EIF2AK3: variants seen among roughly 807,000 people sequenced by gnomAD.
EIF2AK3 encodes eukaryotic translation initiation factor 2 alpha kinase 3, also known as eukaryotic translation initiation factor 2-alpha kinase 3.
A neutral mutation model predicts 113.5 loss-of-function variants in EIF2AK3; 50 were observed. The observed-to-expected ratio is 0.44, with a 90% CI of 0.35 to 0.56. The LOEUF is 0.56. Among genes scored for constraint, EIF2AK3 ranks in the 20% least tolerant of loss-of-function variants. The pLI, the probability that EIF2AK3 is intolerant of heterozygous loss-of-function variation, is 0.00. For missense variants in EIF2AK3, 1,185 were observed against 1,378.0 expected, an observed-to-expected ratio of 0.86 and a Z score of 2.22; for synonymous variants, 448 against 495.4, an observed-to-expected ratio of 0.90 and a Z score of 1.27.
chr2:88,584,976 A>G (rs1674683624), intron 9 of EIF2AK3, among the ~76,000 whole-genome samples: 1 of 152,134 alleles, frequency 6.6e-6, no homozygotes, highest in Non-Finnish European at 1.5e-5. Flanking sequence ...GTTGGACTTG[A>G]GCCTAACAAT....
chr2:88,573,237 A>C (rs1174117540), intron 13 of EIF2AK3, among the ~76,000 whole-genome samples: 1 of 152,108 alleles, frequency 6.6e-6, no homozygotes, highest in African/African-American at 2.4e-5. Context: ...TTCTTCTTGC[A>C]ATTTTTCTGG....
intron 1 of EIF2AK3, among the ~76,000 whole-genome samples, chr2:88,625,177 A>G (rs1675827548): frequency 6.6e-6 from 1 of 152,088 alleles, no homozygotes; most frequent in African/African-American, 2.4e-5. Context: ...CAATGATGCT[A>G]TTAGCATCAG....
intron 3 of EIF2AK3, chr2:88,593,989 A>C: frequency 1.6e-5 from 16 of 977,104 alleles, no homozygotes; most frequent in Non-Finnish European, 1.9e-5. Flanking sequence ...TGTTGTTTAC[A>C]GATGAGACTA....
chr2:88,574,892 C>T lies in EIF2AK3; in HGVS notation c.2591G>A (p.Ser864Asn). 6.2e-7 allele frequency: 1 copy of T among 1,614,144 alleles called. No individual in the cohort carries two copies. The highest frequency in any genetic ancestry group is 8.5e-7 in the Non-Finnish European group (1 of 1,180,020). The change falls in exon 13 of 17, where the codon AGT becomes AAT. Residue 864 changes from serine to asparagine, a missense_variant. Physicochemically the swap from Ser to Asn is conservative, Grantham distance 46. Transcript: ENST00000303236. ...TGTGGTGTTTTTAGTGAGATCTAAA[C>T]TTAAAGTGGTTGGTCTTGGAGGAGA... ...SISPPRPTTL[S>N]LDLTKNTTEK...
At chr2:88,606,351 T>G (rs151089921) in intron 2 of EIF2AK3, among the ~76,000 whole-genome samples, 1 of 152,250 alleles carries the variant, frequency 6.6e-6, no homozygotes, top group Non-Finnish European at 1.5e-5. Context: ...AGTTTCTCCT[T>G]TGGTGACATG....
At chr2:88,587,943 T>TAAAAAAAAAA in intron 8 of EIF2AK3, 39 bp downstream of exon 8, 1 of 1,373,090 alleles carries the variant, frequency 7.3e-7, no homozygotes, top group Non-Finnish European at 1.0e-6. Context: ...AATTTCAAAT[T>TAAAAAAAAAA]AAAAAATAAA....
At chr2:88,560,746 T>G (rs4332926) in intron 15 of EIF2AK3, among the ~76,000 whole-genome samples, 94,426 of 144,616 alleles carry the variant, frequency 0.65, 30,144 homozygotes, top group Middle Eastern at 0.69. Context: ...ATTTTGACTG[T>G]TTTTTTTTTT....
rs1385185104 is a variant in EIF2AK3 at position 88,627,159 on chromosome 2, G to A, written c.116C>T (p.Pro39Leu). The change falls in exon 1 of 17, where the codon CCG becomes CTG. Residue 39 changes from proline (P) to leucine (L), a missense_variant. Transcript: ENST00000303236. ...GAGGCCGAACGCCGCCTCCGCCGTC[G>A]GCGCTGGGAGGCCACGGGCGCGCCC... ...AAGRARGLPA[P>L]TAEAAFGLGA... is the part of the protein sequence containing the mutation. The A allele has an allele frequency of 1.4e-6, 2 of 1,419,078 alleles. No homozygotes were observed. Among genetic ancestry groups the A allele is most frequent in the African/African-American group, 3.0e-5 (2 of 66,300 alleles). The allele number at this position is 1,419,078 out of a possible 1,614,324, so 87.9% of individuals were successfully genotyped here.
intron 2 of EIF2AK3, among the ~76,000 whole-genome samples, chr2:88,598,965 A>ATT (rs1356153933): frequency 3.3e-4 from 50 of 152,274 alleles, no homozygotes; most frequent in African/African-American, 1.2e-3. Flanking sequence ...GACACGGGCA[A>ATT]GCATATAAAG....
intron 12 of EIF2AK3, among the ~76,000 whole-genome samples, chr2:88,576,031 T>C (rs917145708): frequency 1.3e-5 from 2 of 152,232 alleles, no homozygotes; most frequent in Non-Finnish European, 2.9e-5. Flanking sequence ...GGACAATATA[T>C]TCAGGCTAAG....
chr2:88,627,132 C>T lies in EIF2AK3; in HGVS notation c.143G>A (p.Gly48Glu). ...APTAEAAFGL[G>E]AAAAPTSATR... is the part of the protein sequence containing the mutation. ...CGCTGAGGTGGGAGCAGCGGCCGCC[C>T]CGAGGCCGAACGCCGCCTCCGCCGT... is the stretch of plus-strand genomic sequence containing the variant. The change falls in exon 1 of 17, where the codon GGG becomes GAG. Residue 48 changes from glycine (G) to glutamate (E), a missense_variant. By Grantham distance (98) the Gly-to-Glu change is moderately conservative (BLOSUM62 -2). Transcript: ENST00000303236. The T allele has an allele frequency of 3.4e-6, 5 of 1,463,888 alleles. No individual in the cohort carries two copies. Among genetic ancestry groups the T allele is most frequent in the Non-Finnish European group, 4.5e-6 (5 of 1,115,546 alleles). 90.7% of individuals were successfully genotyped at this position (1,463,888 alleles called of 1,614,324 possible). A position where few individuals can be genotyped will look rare whatever the true frequency, so the allele number is the denominator to read the frequency against.
intron 15 of EIF2AK3, among the ~76,000 whole-genome samples, chr2:88,559,212 G>A (rs1315765522): frequency 6.6e-6 from 1 of 151,820 alleles, no homozygotes; most frequent in Non-Finnish European, 1.5e-5. Context: ...CCACATCCAA[G>A]GATTCAACCA....
intron 9 of EIF2AK3, among the ~76,000 whole-genome samples, chr2:88,585,262 G>A (rs890996258): frequency 2.0e-5 from 3 of 152,038 alleles, no homozygotes; most frequent in Admixed American, 1.3e-4. Context: ...TGGCTTTCGT[G>A]ACTGCATACG....
At position 88,588,092 on chromosome 2, in the gene EIF2AK3, C is replaced by G; in HGVS notation, c.1319G>C (p.Arg440Thr). 6.7e-7 allele frequency: 1 copy of G among 1,487,024 alleles called. No homozygotes were observed. The highest frequency in any genetic ancestry group is 9.3e-7 in the Non-Finnish European group (1 of 1,075,734). The allele number at this position is 1,487,024 out of a possible 1,614,324, so 92.1% of individuals were successfully genotyped here. ...ATCAGATCCTACCAAGACAGGAGTTCTGGAAGGAGAATCTAAAAGAAAATT... is the reference window on the plus strand; with the variant it reads ...ATCAGATCCTACCAAGACAGGAGTTGTGGAAGGAGAATCTAAAAGAAAATT... ...KWKPLIHSPSRTPVLVGSDEF... is the reference protein window; with the variant it reads ...KWKPLIHSPSTTPVLVGSDEF... Residue 440 changes from arginine (R) to threonine (T), a missense_variant, in exon 8 of 17, where the codon AGA becomes ACA. By Grantham distance (71) the Arg-to-Thr change is moderately conservative. Transcript: ENST00000303236.
intron 15 of EIF2AK3, among the ~76,000 whole-genome samples, chr2:88,560,309 T>TG (rs1279961348): frequency 2.0e-5 from 3 of 152,236 alleles, no homozygotes; most frequent in Non-Finnish European, 4.4e-5. Context: ...GTTGTCTTTT[T>TG]GTTGAGTTGT....
rs183396882 is a variant in EIF2AK3, at chr2:88,566,152, C to T, written c.2986-3762G>A. 3.4e-3 allele frequency among the ~76,000 whole-genome samples: 511 copies of T among 152,180 alleles called. 5 individuals are homozygous for T. Among genetic ancestry groups the T allele is most frequent in the African/African-American group, 0.01 (429 of 41,516 alleles). On this transcript the variant is annotated intron_variant, in intron 14 of 16. Coordinates refer to ENST00000303236, the MANE Select transcript of EIF2AK3 (RefSeq NM_004836.7). ...AGTATCAATTCTTATGTTTGTTTTC[C>T]ATCTTCTTGGCTCCTCCCTGCCTTC...
chr2:88,584,533 A>G (rs1429566825), intron 9 of EIF2AK3, among the ~76,000 whole-genome samples: 10 of 151,116 alleles, frequency 6.6e-5, no homozygotes, highest in African/African-American at 2.2e-4. Context: ...CTCTGAAAAA[A>G]AAAAAAAAAA....
intron 14 of EIF2AK3, among the ~76,000 whole-genome samples, chr2:88,564,966 A>G (rs1674068440): frequency 6.6e-6 from 1 of 152,112 alleles, no homozygotes; most frequent in South Asian, 2.1e-4. Context: ...TTTTCACAAT[A>G]TTTAAAATGT....
At chr2:88,594,262 A>G (rs1674957467) in intron 3 of EIF2AK3, among the ~76,000 whole-genome samples, 1 of 152,098 alleles carries the variant, frequency 6.6e-6, no homozygotes, top group African/African-American at 2.4e-5. Context: ...GTGTGATCTC[A>G]GCTCACTGCA....
Sources: allele counts gnomAD v4.1 joint callset (sites outside exome capture counted in the v4.1 genomes callset), GRCh38; gene constraint gnomAD v4.1.1; transcripts MANE v1.5; gene names NCBI Gene and HGNC (gene_info 2026-07-23, HGNC 2026-07-21).